Variants in CACNA1C observed in about 807,000 individuals in gnomAD.
CACNA1C encodes the protein voltage-dependent L-type calcium channel subunit alpha-1C.
Under a neutral mutation model 229.0 loss-of-function variants are expected in CACNA1C, and 30 were observed. The observed-to-expected ratio is 0.13, with a 90% CI of 0.10 to 0.18. CACNA1C has a LOEUF of 0.18. Among genes scored for constraint, CACNA1C ranks in the 10% least tolerant of loss-of-function variants. The pLI is 1.00. For synonymous variants in CACNA1C, 1,114 were observed against 1,132.5 expected (o/e 0.98, Z 0.33); for missense variants, 1,658 against 2,845.0 (o/e 0.58, Z 9.49).
chr12:2,379,806 C>T (rs1419110759), intron 3 of CACNA1C, among the ~76,000 whole-genome samples: 6 of 151,406 alleles, frequency 4.0e-5, no homozygotes, highest in South Asian at 2.1e-4. Flanking sequence ...CCGAGGCGGG[C>T]GGATCACGAG....
chr12:2,036,668 G>A (rs892135552), intron 1 of CACNA1C, among the ~76,000 whole-genome samples: 2 of 152,182 alleles, frequency 1.3e-5, no homozygotes, highest in African/African-American at 2.4e-5. Flanking sequence ...GTTTCACCAT[G>A]TTGGTCAGGC....
In CACNA1C at chr12:2,677,721, C is replaced by T. The variant is rs1556045982; in HGVS notation, c.4957-12C>T. 1 of 1,611,766 alleles carries T rather than the reference C, an allele frequency of 6.2e-7. No individual in the cohort carries two copies. The highest frequency in any genetic ancestry group is 8.5e-7 in the Non-Finnish European group (1 of 1,179,142). Reference sequence around the variant, plus strand: ...GGAGCGTGGTCCTCACCATCCTCCCCTTGGATTCCAGGCTGGCTTGCGCAC... The same window carrying T: ...GGAGCGTGGTCCTCACCATCCTCCCTTTGGATTCCAGGCTGGCTTGCGCAC... On this transcript the variant is annotated splice_polypyrimidine_tract_variant and intron_variant, in intron 40 of 46. Coordinates refer to ENST00000399655, the MANE Select transcript of CACNA1C (RefSeq NM_000719.7). This position sits in a 1 kb window ranked among gnomAD's most constrained non-coding sequence, Gnocchi z 7.4.
intron 5 of CACNA1C, among the ~76,000 whole-genome samples, chr12:2,483,209 C>T (rs896279421): frequency 1.3e-5 from 2 of 152,214 alleles, no homozygotes; most frequent in Non-Finnish European, 2.9e-5. Context: ...GGGTGTATTG[C>T]TCAAGCCTAG....
intron 18 of CACNA1C, among the ~76,000 whole-genome samples, chr12:2,589,158 G>A (rs1568613903): frequency 6.6e-6 from 1 of 152,180 alleles, no homozygotes; most frequent in Non-Finnish European, 1.5e-5. Flanking sequence ...ACTGTGCTAG[G>A]TACCAGGGAC....
chr12:2,254,485 C>A (rs1299770550), intron 3 of CACNA1C, among the ~76,000 whole-genome samples: 1 of 152,114 alleles, frequency 6.6e-6, no homozygotes, highest in African/African-American at 2.4e-5. Flanking sequence ...AAGGTGTGGG[C>A]CCGGATTGCC....
At chr12:2,446,654 G>A in intron 3 of CACNA1C, among the ~76,000 whole-genome samples, 1 of 151,158 alleles carries the variant, frequency 6.6e-6, no homozygotes, top group Non-Finnish European at 1.5e-5. Flanking sequence ...GAATGGATGG[G>A]TGATGGGTAG....
At chr12:2,303,237 A>G (rs2094717231) in intron 3 of CACNA1C, among the ~76,000 whole-genome samples, 1 of 152,174 alleles carries the variant, frequency 6.6e-6, no homozygotes, top group Non-Finnish European at 1.5e-5. Flanking sequence ...GTGGCAGAGC[A>G]CTGCAGACTG....
intron 3 of CACNA1C, among the ~76,000 whole-genome samples, chr12:2,197,407 A>C (rs973965586): frequency 6.6e-6 from 1 of 152,210 alleles, no homozygotes; most frequent in Non-Finnish European, 1.5e-5. Flanking sequence ...GGCAGCGTAC[A>C]TTCAGACTGT....
Position 2,108,715 on chromosome 12 carries a change from C to T in CACNA1C, c.50-6509C>T, listed in dbSNP as rs569502550. On this transcript the variant is annotated intron_variant, in intron 1 of 46. Transcript: ENST00000399655. This position sits in a 1 kb window ranked among gnomAD's most constrained non-coding sequence, Gnocchi z 5.3. ...AGGAGTGCCACTGGGGTTGAGATGACAGGGCCTCGGGTTATCGTCTGAGAT... is the reference window on the plus strand; with the variant it reads ...AGGAGTGCCACTGGGGTTGAGATGATAGGGCCTCGGGTTATCGTCTGAGAT... Among the ~76,000 whole-genome samples, 61 of 152,326 alleles carry T rather than the reference C, an allele frequency of 4.0e-4. No homozygotes were observed. Among genetic ancestry groups the T allele is most frequent in the Admixed American group, 1.2e-3 (19 of 15,298 alleles).
intron 13 of CACNA1C, among the ~76,000 whole-genome samples, chr12:2,572,433 CTTCCTG>C (rs2055669165): frequency 2.9e-4 from 5 of 17,418 alleles, no homozygotes; most frequent in Admixed American, 7.2e-4. Context: ...TCCTCTTCCT[CTTCCTG>C]CTCCTTCTCC....
At chr12:2,680,637 A>G in intron 42 of CACNA1C, 1 of 1,404,708 alleles carries the variant, frequency 7.1e-7, no homozygotes, top group African/African-American at 1.4e-5. Flanking sequence ...TTCCCTCTAA[A>G]CCCCTGGAAA....
intron 5 of CACNA1C, among the ~76,000 whole-genome samples, chr12:2,462,990 G>A (rs576649713): frequency 2.8e-5 from 4 of 142,412 alleles, no homozygotes; most frequent in East Asian, 4.1e-4. Flanking sequence ...TCGGCTCACT[G>A]TAAGCTCCGC....
chr12:2,350,774 TC>T (rs1443206060), intron 3 of CACNA1C, among the ~76,000 whole-genome samples: 1 of 152,238 alleles, frequency 6.6e-6, no homozygotes, highest in Non-Finnish European at 1.5e-5. Context: ...CTGCCCCCTT[TC>T]GCAGGCACCT....
Position 2,677,493 on chromosome 12 carries a change from C to T in CACNA1C, c.4957-240C>T, listed in dbSNP as rs1036021368. The T allele has an allele frequency of 6.5e-6, 4 of 616,226 alleles. No individual in the cohort carries two copies. Among genetic ancestry groups the T allele is most frequent in the South Asian group, 4.2e-5 (2 of 48,156 alleles). The allele number at this position is 616,226 out of a possible 1,614,324, so 38.2% of individuals were successfully genotyped here. A position where few individuals can be genotyped will look rare whatever the true frequency, so the allele number is the denominator to read the frequency against. ...CTTCACTGAGGCTCCCGTGACAGCC[C>T]CTGACCCCTGGTGCCCCGTCCTAAT... On this transcript the variant is annotated intron_variant, in intron 40 of 46. Coordinates refer to ENST00000399655, the MANE Select transcript of CACNA1C (RefSeq NM_000719.7). The surrounding 1 kb of genome is among the most constrained non-coding windows in gnomAD (Gnocchi z 7.4).
intron 3 of CACNA1C, among the ~76,000 whole-genome samples, chr12:2,162,606 G>A (rs2095943383): frequency 1.3e-5 from 2 of 152,034 alleles, no homozygotes; most frequent in Non-Finnish European, 2.9e-5. Context: ...ACCTAGAGAC[G>A]GGGCAGAGAG....
At chr12:2,036,794 C>T (rs2049226381) in intron 1 of CACNA1C, among the ~76,000 whole-genome samples, 1 of 152,120 alleles carries the variant, frequency 6.6e-6, no homozygotes, top group South Asian at 2.1e-4. Flanking sequence ...AAGCAAATGC[C>T]CTAGGAAGGG....
At chr12:2,517,146 G>T (rs1409923503) in intron 9 of CACNA1C, among the ~76,000 whole-genome samples, 1 of 152,246 alleles carries the variant, frequency 6.6e-6, no homozygotes, top group Non-Finnish European at 1.5e-5. Flanking sequence ...AACACAGGCT[G>T]TTGGATGAAA....
chr12:2,336,766 G>A (rs1010069261), intron 3 of CACNA1C, among the ~76,000 whole-genome samples: 1 of 152,156 alleles, frequency 6.6e-6, no homozygotes, highest in African/African-American at 2.4e-5. Context: ...TAAGGCATCT[G>A]GGCGGAGGTT....
chr12:2,192,332 G>A (rs968547203), intron 3 of CACNA1C, among the ~76,000 whole-genome samples: 12 of 151,982 alleles, frequency 7.9e-5, no homozygotes, highest in African/African-American at 2.2e-4. Context: ...AACACCCACC[G>A]CCCCCTGTTT....
Sources: allele counts gnomAD v4.1 joint callset (sites outside exome capture counted in the v4.1 genomes callset), GRCh38; gene constraint gnomAD v4.1.1; non-coding constraint Gnocchi (gnomAD v3.1); transcripts MANE v1.5; gene names NCBI Gene and HGNC (gene_info 2026-07-23, HGNC 2026-07-21).